Variants in ZC2HC1B observed in about 807,000 individuals in gnomAD.
The protein encoded by ZC2HC1B is zinc finger C2HC domain-containing protein 1B.
Under a neutral mutation model 31.0 loss-of-function variants are expected in ZC2HC1B, and 36 were observed. The observed-to-expected ratio is 1.16, with a 90% CI of 0.89 to 1.54. The LOEUF (loss-of-function observed/expected upper bound fraction) is 1.54, where lower values mean the gene tolerates loss of function less well. Ranked by LOEUF, ZC2HC1B falls within the 40% of genes most tolerant of loss-of-function variation. The pLI is 0.00. For synonymous variants in ZC2HC1B, 73 were observed against 88.0 expected (o/e 0.83, Z 0.95); for missense variants, 260 against 268.6 (o/e 0.97, Z 0.22).
chr6:143,879,197 G>A (rs902538651), intron 1 of ZC2HC1B, among the ~76,000 whole-genome samples: 1 of 152,198 alleles, frequency 6.6e-6, no homozygotes, highest in Non-Finnish European at 1.5e-5. Flanking sequence ...ATGGTTCTCA[G>A]TTCTCCCTTA....
intron 1 of ZC2HC1B, chr6:143,881,551 A>AAAAG (rs1777468179): frequency 3.1e-5 from 3 of 96,942 alleles, no homozygotes; most frequent in Admixed American, 1.1e-4. Context: ...ACCCTGTCTC[A>AAAAG]AAAAAAAAAA....
intron 6 of ZC2HC1B, among the ~76,000 whole-genome samples, chr6:143,936,421 G>T (rs868533721): frequency 3.3e-5 from 5 of 152,092 alleles, no homozygotes; most frequent in Non-Finnish European, 4.4e-5. Flanking sequence ...GGAAAAATGG[G>T]TCCAAAAATA....
At chr6:143,879,987 G>C (rs1004615209) in intron 1 of ZC2HC1B, among the ~76,000 whole-genome samples, 5 of 151,804 alleles carry the variant, frequency 3.3e-5, no homozygotes, top group Non-Finnish European at 1.5e-5. Flanking sequence ...ACCATGCCTG[G>C]CTAATTTTTA....
At chr6:143,879,992 T>G (rs1019228527) in intron 1 of ZC2HC1B, among the ~76,000 whole-genome samples, 2 of 151,998 alleles carry the variant, frequency 1.3e-5, no homozygotes, top group Non-Finnish European at 2.9e-5. Context: ...GCCTGGCTAA[T>G]TTTTAAAATT....
intron 6 of ZC2HC1B, among the ~76,000 whole-genome samples, chr6:143,904,727 G>A (rs7768171): frequency 0.014 from 2,185 of 152,194 alleles, 61 homozygotes; most frequent in African/African-American, 0.05. Context: ...CTAAGCTAAG[G>A]CTAGCTTTAG....
intron 1 of ZC2HC1B, among the ~76,000 whole-genome samples, chr6:143,867,067 T>C (rs1162312664): frequency 3.3e-5 from 5 of 152,178 alleles, no homozygotes; most frequent in African/African-American, 1.2e-4. Context: ...GTATTTAAAA[T>C]ATTGCAAAAA....
Position 143,905,877 on chromosome 6 carries a change from C to A in ZC2HC1B, c.598+2725C>A, listed in dbSNP as rs1777788131. 6.6e-6 allele frequency among the ~76,000 whole-genome samples: 1 copy of A among 152,064 alleles called. No individual in the cohort carries two copies. The highest frequency in any genetic ancestry group is 2.4e-5 in the African/African-American group (1 of 41,410). On this transcript the variant is annotated intron_variant, in intron 6 of 7. Transcript: ENST00000237275. The surrounding 1 kb of genome is among the most constrained non-coding windows in gnomAD (Gnocchi z 4.2). ...CATTGATCGATTTTCATGTGTTGAACCATCCCTGTATCCCAGGAACAAATC... is the reference window on the plus strand; with the variant it reads ...CATTGATCGATTTTCATGTGTTGAAACATCCCTGTATCCCAGGAACAAATC...
Position 143,906,442 on chromosome 6 carries a change from A to AT in ZC2HC1B, c.598+3299dup, listed in dbSNP as rs1023086757. The stretch of plus-strand genomic sequence containing the variant: ...TTTCTCTTTTTTAATTTTAATTTTA[A>AT]TTTTTTTTTGTTTTGTTTTGAGAGA... On this transcript the variant is annotated intron_variant, in intron 6 of 7. Coordinates refer to ENST00000237275, the MANE Select transcript of ZC2HC1B (RefSeq NM_001013623.3). Among the ~76,000 whole-genome samples, 991 of 149,576 alleles carry AT rather than the reference A, an allele frequency of 6.6e-3. 17 individuals carry two copies. The highest frequency in any genetic ancestry group is 0.023 in the African/African-American group (939 of 40,756).
In ZC2HC1B at chr6:143,884,223, GAGGTC is replaced by G. The variant is rs941836633; in HGVS notation, c.29-79_29-75del. ...AAGAGAGTGAGGATATCAAGCTATT[GAGGTC>G]ACCTCCAGTCAGTCATTTCTTCTCA... On this transcript the variant is annotated intron_variant, in intron 1 of 7. Transcript: ENST00000237275. The surrounding 1 kb of genome is among the most constrained non-coding windows in gnomAD (Gnocchi z 5.1). 1.8e-4 allele frequency: 232 copies of G among 1,288,040 alleles called. No homozygotes were observed. The highest frequency in any genetic ancestry group is 2.0e-4 in the Non-Finnish European group (184 of 934,634). The allele number at this position is 1,288,040 out of a possible 1,614,324, so 79.8% of individuals were successfully genotyped here.
Position 143,884,217 on chromosome 6 carries a change from G to A in ZC2HC1B, c.29-87G>A, listed in dbSNP as rs1306705170. On this transcript the variant is annotated intron_variant, in intron 1 of 7. Coordinates refer to ENST00000237275, the MANE Select transcript of ZC2HC1B (RefSeq NM_001013623.3). The surrounding 1 kb of genome is among the most constrained non-coding windows in gnomAD (Gnocchi z 5.1). The stretch of plus-strand genomic sequence containing the variant: ...AGGGAAAAGAGAGTGAGGATATCAA[G>A]CTATTGAGGTCACCTCCAGTCAGTC... 8 of 1,197,146 alleles carry A rather than the reference G, an allele frequency of 6.7e-6. No homozygotes were observed. The highest frequency in any genetic ancestry group is 9.3e-6 in the Non-Finnish European group (8 of 859,214). 74.2% of individuals were successfully genotyped at this position (1,197,146 alleles called of 1,614,324 possible).
rs869162265 is a variant in ZC2HC1B, at chr6:143,935,674, T to TTTTTTG, written c.599-1975_599-1974insTTTTTG. On this transcript the variant is annotated intron_variant, in intron 6 of 7. Coordinates refer to ENST00000237275, the MANE Select transcript of ZC2HC1B (RefSeq NM_001013623.3). ...TTTTTTTTTTTTTTTTTTTTTTTTT[T>TTTTTTG]GAGACAGGATCTCTCTGTCGCCCAG... 9.9e-5 allele frequency among the ~76,000 whole-genome samples: 12 copies of TTTTTTG among 120,676 alleles called. 1 individual carries two copies. Among genetic ancestry groups the TTTTTTG allele is most frequent in the Admixed American group, 4.3e-4 (5 of 11,508 alleles). The allele number at this position is 120,676 out of a possible 152,430, so 79.2% of individuals were successfully genotyped here. A position where few individuals can be genotyped will look rare whatever the true frequency, so the allele number is the denominator to read the frequency against.
chr6:143,930,604 C>T (rs565287300), intron 6 of ZC2HC1B, among the ~76,000 whole-genome samples: 4 of 151,942 alleles, frequency 2.6e-5, no homozygotes, highest in Non-Finnish European at 5.9e-5. Context: ...GTCTCGATCT[C>T]CTGACCTTGT....
At chr6:143,900,768 T>C (rs1486956416) in intron 5 of ZC2HC1B, among the ~76,000 whole-genome samples, 3 of 152,186 alleles carry the variant, frequency 2.0e-5, no homozygotes, top group Non-Finnish European at 2.9e-5. Flanking sequence ...TCTCTGTAGA[T>C]AATAGAACAC....
At chr6:143,864,613 G>A in intron 1 of ZC2HC1B, 46 bp downstream of exon 1, 2 of 1,546,128 alleles carry the variant, frequency 1.3e-6, no homozygotes, top group Non-Finnish European at 1.8e-6. Context: ...GCCTTCATCT[G>A]TAATCATTCA....
chr6:143,885,921 G>C lies in ZC2HC1B; in HGVS notation c.91-111G>C. ...CTGTGACCTGTTAGAGAATGAACTA[G>C]GCTCTGAGGAGCAAACATAGTCCCT... On this transcript the variant is annotated intron_variant, in intron 2 of 7. Coordinates refer to ENST00000237275, the MANE Select transcript of ZC2HC1B (RefSeq NM_001013623.3). The surrounding 1 kb of genome is among the most constrained non-coding windows in gnomAD (Gnocchi z 4.2). 1 of 1,228,998 alleles carries C rather than the reference G, an allele frequency of 8.1e-7. No homozygotes were observed. Among genetic ancestry groups the C allele is most frequent in the Non-Finnish European group, 1.1e-6 (1 of 937,954 alleles). The allele number at this position is 1,228,998 out of a possible 1,614,324, so 76.1% of individuals were successfully genotyped here. A position where few individuals can be genotyped will look rare whatever the true frequency, so the allele number is the denominator to read the frequency against.
chr6:143,925,198 CAG>C (rs1258115107), intron 6 of ZC2HC1B, among the ~76,000 whole-genome samples: 3 of 102,184 alleles, frequency 2.9e-5, no homozygotes, highest in African/African-American at 1.2e-4. Flanking sequence ...TTTTTTGAGA[CAG>C]AGTCTCACTC....
rs545232621 is a variant in ZC2HC1B, at chr6:143,875,833, C to T, written c.29-8471C>T. Among the ~76,000 whole-genome samples, 3 of 150,698 alleles carry T rather than the reference C, an allele frequency of 2.0e-5. No homozygotes were observed. In the South Asian group the frequency reaches 6.5e-4, roughly 32 times the overall value. On this transcript the variant is annotated intron_variant, in intron 1 of 7. Transcript: ENST00000237275. The stretch of plus-strand genomic sequence containing the variant: ...TTGCCTCAGGCAGCACAGGGTTTAT[C>T]TCCTCAGACAAAGGTGGAAAGGCTG...
intron 7 of ZC2HC1B, 47 bp downstream of exon 7, chr6:143,937,780 A>G: frequency 7.0e-7 from 1 of 1,424,520 alleles, no homozygotes; most frequent in Non-Finnish European, 9.6e-7. Context: ...TGACCAGTTA[A>G]TGACTTTTAA....
At chr6:143,937,868 G>A in intron 7 of ZC2HC1B, 135 bp downstream of exon 7, 1 of 598,014 alleles carries the variant, frequency 1.7e-6, no homozygotes, top group Non-Finnish European at 2.9e-6. Flanking sequence ...GTATGCTCTT[G>A]AAACTGACTC....
Sources: allele counts gnomAD v4.1 joint callset (sites outside exome capture counted in the v4.1 genomes callset), GRCh38; gene constraint gnomAD v4.1.1; non-coding constraint Gnocchi (gnomAD v3.1); transcripts MANE v1.5; gene names NCBI Gene and HGNC (gene_info 2026-07-23, HGNC 2026-07-21).